Variants in KANTR observed in about 807,000 individuals in gnomAD.
KANTR encodes KANTR integral membrane protein.
chrX:53,105,889 G>A (rs1432181325), intron 2 of KANTR, among the ~76,000 whole-genome samples: 11 of 72,180 alleles, frequency 1.5e-4, no homozygotes, highest in Non-Finnish European at 2.2e-4. Flanking sequence ...ACAGAGTCTC[G>A]CTCTGTCGCC....
chrX:53,125,228 T>G (rs1933279169), exon 3 of KANTR: 1 of 111,919 alleles, frequency 8.9e-6, no homozygotes, highest in Non-Finnish European at 1.9e-5. Flanking sequence ...CAAACTTTTC[T>G]TGTTGGGATT....
chrX:53,095,446 CTT>C (rs1244947152), intron 1 of KANTR, among the ~76,000 whole-genome samples: 1 of 102,627 alleles, frequency 9.7e-6, no homozygotes. Context: ...CCCAACATTG[CTT>C]TTTTTTTTTA....
At chrX:53,100,659 G>A (rs1044711660) in intron 2 of KANTR, among the ~76,000 whole-genome samples, 12 of 109,803 alleles carry the variant, frequency 1.1e-4, no homozygotes, top group Non-Finnish European at 1.7e-4. Context: ...TTGGCTGGGC[G>A]TGGTGGCGGG....
chrX:53,143,170 A>T, downstream of KANTR: 1 of 899,201 alleles, frequency 1.1e-6, no homozygotes, highest in Non-Finnish European at 1.6e-6. Context: ...CTTGTTGCCG[A>T]TGGTGATGAC....
intron 2 of KANTR, among the ~76,000 whole-genome samples, chrX:53,107,205 A>G (rs1455998625): frequency 4.9e-5 from 5 of 102,453 alleles, no homozygotes; most frequent in African/African-American, 1.9e-4. Context: ...TTTTTCTTTT[A>G]CAGATAGGAT....
At chrX:53,117,522 G>T (rs1332777262) in intron 2 of KANTR, among the ~76,000 whole-genome samples, 7 of 106,426 alleles carry the variant, frequency 6.6e-5, no homozygotes, top group Non-Finnish European at 1.3e-4. Context: ...TTTCATATTT[G>T]TGGGGATGCT....
chrX:53,102,510 C>T (rs917147923), intron 2 of KANTR, among the ~76,000 whole-genome samples: 1 of 112,119 alleles, frequency 8.9e-6, no homozygotes, highest in Admixed American at 9.5e-5. Context: ...GAGAATACCG[C>T]AGAAGAGAAG....
At chrX:53,109,581 G>A (rs1272830348) in intron 2 of KANTR, among the ~76,000 whole-genome samples, 2 of 112,099 alleles carry the variant, frequency 1.8e-5, no homozygotes, top group Non-Finnish European at 3.8e-5. Context: ...ACTACACCCG[G>A]TTATTCCTAA....
chrX:53,097,626 T>C (rs1356580863), intron 1 of KANTR, among the ~76,000 whole-genome samples: 1 of 106,982 alleles, frequency 9.3e-6, no homozygotes, highest in East Asian at 3.0e-4. Context: ...GTGCTGGGAT[T>C]ACAGGTGTGA....
intron 2 of KANTR, among the ~76,000 whole-genome samples, chrX:53,135,297 A>G (rs1556817468): frequency 8.9e-6 from 1 of 111,835 alleles, no homozygotes; most frequent in Non-Finnish European, 1.9e-5. Flanking sequence ...GCTTGATTTA[A>G]CCTCAGCCAT....
chrX:53,146,856 T>C (rs1245274033), downstream of KANTR, among the ~76,000 whole-genome samples: 4 of 111,684 alleles, frequency 3.6e-5, no homozygotes, highest in African/African-American at 9.8e-5. Context: ...AATTTCATAT[T>C]CAGCCAAACT....
At chrX:53,145,743 A>AC (rs782609937), downstream of KANTR, among the ~76,000 whole-genome samples, 2 of 111,682 alleles carry the variant, frequency 1.8e-5, no homozygotes, top group Non-Finnish European at 1.9e-5. Context: ...ACTGGGAGGC[A>AC]CCCCCCAGTA....
chrX:53,145,496 G>A (rs1556819185), downstream of KANTR, among the ~76,000 whole-genome samples: 1 of 111,993 alleles, frequency 8.9e-6, no homozygotes, highest in Non-Finnish European at 1.9e-5. Flanking sequence ...AGGTAAAGCG[G>A]CCCGGAAGCT....
At chrX:53,100,752 C>T (rs1019510405) in intron 2 of KANTR, among the ~76,000 whole-genome samples, 2 of 110,214 alleles carry the variant, frequency 1.8e-5, no homozygotes, top group African/African-American at 6.6e-5. Flanking sequence ...GAGCCGAGAT[C>T]GCACCACTGC....
At chrX:53,136,486 C>T (rs1933421229) in intron 2 of KANTR, among the ~76,000 whole-genome samples, 1 of 100,027 alleles carries the variant, frequency 1.0e-5, no homozygotes, top group Non-Finnish European at 2.0e-5. Flanking sequence ...GACCTGCCTG[C>T]CTCGGCCTCC....
chrX:53,104,985 A>G (rs1169942935), intron 2 of KANTR, among the ~76,000 whole-genome samples: 1 of 110,730 alleles, frequency 9.0e-6, no homozygotes, highest in Non-Finnish European at 1.9e-5. Flanking sequence ...CCTGGGCTCA[A>G]GTGGTCCTCC....
At chrX:53,139,101 G>T (rs1444862948) in intron 2 of KANTR, among the ~76,000 whole-genome samples, 1 of 108,939 alleles carries the variant, frequency 9.2e-6, no homozygotes, top group Non-Finnish European at 1.9e-5. Flanking sequence ...TGTGCCTGTA[G>T]TCCCAGCTAC....
exon 3 of KANTR, chrX:53,125,081 A>G (rs1398876252): frequency 2.7e-5 from 3 of 111,693 alleles, no homozygotes; most frequent in Non-Finnish European, 5.7e-5. Flanking sequence ...CTTGCTTTAT[A>G]TATTTTGAGG....
downstream of KANTR, among the ~76,000 whole-genome samples, chrX:53,146,541 T>C (rs1235010747): frequency 9.0e-6 from 1 of 111,636 alleles, no homozygotes; most frequent in Non-Finnish European, 1.9e-5. Flanking sequence ...ACGGGGAGAA[T>C]GGAACCAAGT....
Sources: gnomAD v4.1 joint callset for allele counts (sites outside exome capture counted in the v4.1 genomes callset) on GRCh38, gnomAD v4.1.1 for gene constraint, MANE v1.5 for transcripts, NCBI Gene and HGNC (gene_info 2026-07-23, HGNC 2026-07-21) for gene names.